TMLHE: variants seen among roughly 807,000 people sequenced by gnomAD.
TMLHE encodes trimethyllysine hydroxylase, epsilon.
In TMLHE, 18 loss-of-function variants were observed where a neutral mutation model predicts 25.7. The observed-to-expected ratio is 0.70, with a 90% CI of 0.48 to 1.04. The LOEUF (loss-of-function observed/expected upper bound fraction) is 1.04. Ranked by LOEUF, TMLHE falls within the 50% of genes least tolerant of loss-of-function variation. The pLI, the probability that TMLHE is intolerant of heterozygous loss-of-function variation, is 0.00. For missense variants in TMLHE, 236 were observed against 259.0 expected (o/e 0.91, Z 0.61); for synonymous variants, 105 against 97.0 (o/e 1.08, Z -0.49).
At chrX:155,611,280 G>A (rs1281955326) in intron 1 of TMLHE, among the ~76,000 whole-genome samples, 4 of 110,978 alleles carry the variant, frequency 3.6e-5, no homozygotes, top group African/African-American at 1.3e-4. Context: ...GGGATGCTTG[G>A]TATTATAGAA....
chrX:155,548,239 A>C (rs781824948), intron 1 of TMLHE, among the ~76,000 whole-genome samples: 88 of 111,909 alleles, frequency 7.9e-4, no homozygotes, highest in Admixed American at 1.0e-3. Context: ...GCAAAAATGG[A>C]CAAATGGGAT....
At chrX:155,539,163 G>C (rs1334300236) in intron 2 of TMLHE, among the ~76,000 whole-genome samples, 2 of 111,302 alleles carry the variant, frequency 1.8e-5, no homozygotes, top group African/African-American at 3.3e-5. Context: ...CTTATCCTAG[G>C]GGGGAAAAGA....
intron 2 of TMLHE, among the ~76,000 whole-genome samples, chrX:155,529,592 A>G (rs2067238322): frequency 9.0e-6 from 1 of 111,426 alleles, no homozygotes; most frequent in South Asian, 3.7e-4. Flanking sequence ...TATTTCTCTT[A>G]TAATTAGTGA....
rs782703460 is a variant in TMLHE at position 155,507,015 on chromosome X, C to A, written c.878G>T (p.Ser293Ile). ...QKAPEEFELL[S>I]KVPLKHEYIE... is the part of the protein sequence containing the mutation. The stretch of plus-strand genomic sequence containing the variant: ...ATATTCATGCTTCAATGGCACTTTA[C>A]TGAGGAGTTCAAATTCCTCAGGTGC... The change falls in exon 6 of 8, where the codon AGT (serine) becomes ATT (isoleucine). Residue 293 changes from serine to isoleucine, a missense_variant. By Grantham distance (142) the Ser-to-Ile change is moderately radical. Coordinates refer to ENST00000334398, the MANE Select transcript of TMLHE (RefSeq NM_018196.4). 15 of 1,207,733 alleles carry A rather than the reference C, an allele frequency of 1.2e-5. No homozygotes were observed. Among genetic ancestry groups the A allele is most frequent in the Middle Eastern group, 2.3e-4 (1 of 4,338 alleles).
intron 2 of TMLHE, among the ~76,000 whole-genome samples, chrX:155,542,935 GGTGTGTGTGTGT>G (rs781984053): frequency 9.3e-6 from 1 of 107,498 alleles, no homozygotes; most frequent in East Asian, 2.9e-4. Context: ...TATTTTAAGG[GGTGTGTGTGTGT>G]GTGTGTGTTT....
chrX:155,574,257 C>T (rs1436893410), intron 1 of TMLHE, among the ~76,000 whole-genome samples: 7 of 104,174 alleles, frequency 6.7e-5, no homozygotes, highest in African/African-American at 1.7e-4. Context: ...TGGCAGACTA[C>T]GTATATTTAC....
At chrX:155,511,324 C>A (rs1485785675) in intron 5 of TMLHE, among the ~76,000 whole-genome samples, 1 of 110,488 alleles carries the variant, frequency 9.1e-6, no homozygotes, top group African/African-American at 3.3e-5. Context: ...TTGCTCCCCG[C>A]TCACCTTCCA....
Position 155,534,039 on chromosome X carries a change from T to C in TMLHE, c.182-9407A>G, listed in dbSNP as rs782767951. Among the ~76,000 whole-genome samples, 92 of 111,903 alleles carry C rather than the reference T, an allele frequency of 8.2e-4. 1 individual carries two copies. The highest frequency in any genetic ancestry group is 1.3e-3 in the Non-Finnish European group (71 of 53,163). On this transcript the variant is annotated intron_variant, in intron 2 of 7. Coordinates refer to ENST00000334398, the MANE Select transcript of TMLHE (RefSeq NM_018196.4). ...TTTGATAAGGAGATAAGTGTGTGCA[T>C]GAACCATGGTCCTAGTCAGCCATCT...
intron 6 of TMLHE, among the ~76,000 whole-genome samples, chrX:155,504,329 C>A (rs782129055): frequency 1.5e-5 from 1 of 65,865 alleles, no homozygotes; most frequent in African/African-American, 5.9e-5. Context: ...TTTTTAAAAT[C>A]GAAAAATATC....
chrX:155,611,694 A>T (rs1193398756), intron 1 of TMLHE: 1 of 111,674 alleles, frequency 9.0e-6, no homozygotes, highest in Non-Finnish European at 1.9e-5. Context: ...ACCTTACTTA[A>T]CGTCTTCTGG....
At chrX:155,572,577 T>G (rs1603075261) in intron 1 of TMLHE, among the ~76,000 whole-genome samples, 1 of 57,202 alleles carries the variant, frequency 1.7e-5, no homozygotes, top group South Asian at 1.0e-3. Flanking sequence ...GCTACCTGAC[T>G]TCAAACTATA....
intron 2 of TMLHE, among the ~76,000 whole-genome samples, chrX:155,533,765 G>C (rs782755216): frequency 1.8e-5 from 2 of 111,202 alleles, no homozygotes; most frequent in South Asian, 7.6e-4. Context: ...CATGCTACTG[G>C]ACAAAGGAAA....
chrX:155,599,013 G>A (rs1303790127), intron 1 of TMLHE, among the ~76,000 whole-genome samples: 1 of 111,038 alleles, frequency 9.0e-6, no homozygotes, highest in African/African-American at 3.3e-5. Flanking sequence ...ACCCCTCCTA[G>A]TCCTCCTCCT....
intron 3 of TMLHE, among the ~76,000 whole-genome samples, chrX:155,522,386 C>G (rs949210124): frequency 6.3e-5 from 7 of 111,752 alleles, no homozygotes; most frequent in African/African-American, 2.3e-4. Context: ...GGTATTGGTA[C>G]AATCCATTGG....
chrX:155,511,954 G>T (rs943613134), intron 4 of TMLHE, among the ~76,000 whole-genome samples, 162 bp from the exon 5 acceptor site: 1 of 111,509 alleles, frequency 9.0e-6, no homozygotes, highest in Non-Finnish European at 1.9e-5. Flanking sequence ...GAACATGCTA[G>T]TCTTGACAAT....
At position 155,513,605 on chromosome X, in the gene TMLHE, G is replaced by T. The variant is rs5983714; in HGVS notation, c.638+381C>A. ...AATAGAGGACAGTGGGGGTCGAGGG[G>T]GTGTGTGTGTGTGTGTGTGTGTGTA... On this transcript the variant is annotated intron_variant, in intron 4 of 7. Coordinates refer to ENST00000334398, the MANE Select transcript of TMLHE (RefSeq NM_018196.4). Among the ~76,000 whole-genome samples, 762 of 106,471 alleles carry T rather than the reference G, an allele frequency of 7.2e-3. 4 individuals are homozygous for T. The highest frequency in any genetic ancestry group is 0.039 in the Middle Eastern group (8 of 205). 92.5% of individuals were successfully genotyped at this position (106,471 alleles called of 115,157 possible).
chrX:155,611,101 G>A (rs2067817733), intron 1 of TMLHE, among the ~76,000 whole-genome samples: 1 of 111,591 alleles, frequency 9.0e-6, no homozygotes, highest in Non-Finnish European at 1.9e-5. Context: ...AACCATTTGG[G>A]AAATCATGAG....
intron 1 of TMLHE, among the ~76,000 whole-genome samples, chrX:155,551,278 G>C (rs2067413667): frequency 1.8e-5 from 2 of 109,191 alleles, no homozygotes; most frequent in Non-Finnish European, 3.8e-5. Flanking sequence ...TGTTACATGT[G>C]TATACATGTG....
At chrX:155,550,844 A>G (rs1021856163) in intron 1 of TMLHE, among the ~76,000 whole-genome samples, 1 of 110,967 alleles carries the variant, frequency 9.0e-6, no homozygotes, top group African/African-American at 3.3e-5. Flanking sequence ...TTTGGTTACT[A>G]TGTCATCAAA....
Sources: allele counts gnomAD v4.1 joint callset (sites outside exome capture counted in the v4.1 genomes callset), GRCh38; gene constraint gnomAD v4.1.1; transcripts MANE v1.5; gene names NCBI Gene and HGNC (gene_info 2026-07-23, HGNC 2026-07-21).